The following PRKG1 variants were observed in gnomAD, a reference collection of about 807,000 sequenced individuals.
PRKG1 encodes the protein cGMP-dependent protein kinase 1.
A neutral mutation model predicts 88.1 loss-of-function variants in PRKG1; 35 were observed. The observed-to-expected ratio is 0.40, with a 90% confidence interval of 0.30 to 0.53. The LOEUF (loss-of-function observed/expected upper bound fraction) is 0.53. Ranked by LOEUF, PRKG1 falls within the 20% of genes least tolerant of loss-of-function variation. The probability of loss-of-function intolerance (pLI) is 0.59; values close to 1 mark genes in which losing one functional copy is unlikely to be tolerated. For synonymous variants in PRKG1, 303 were observed against 292.5 expected (o/e 1.04, Z -0.37); for missense variants, 540 against 839.8 (o/e 0.64, Z 4.41).
At chr10:52,076,755 T>G (rs897082168) in intron 7 of PRKG1, among the ~76,000 whole-genome samples, 4 of 152,216 alleles carry the variant, frequency 2.6e-5, no homozygotes, top group African/African-American at 9.6e-5. Flanking sequence ...AATAGCCTAA[T>G]TTTTTAAAAC....
At chr10:51,625,214 A>AT (rs902232732) in intron 3 of PRKG1, among the ~76,000 whole-genome samples, 2 of 152,218 alleles carry the variant, frequency 1.3e-5, no homozygotes, top group African/African-American at 2.4e-5. Context: ...ATGGTGGCTT[A>AT]TGCCTGTAAT....
chr10:51,456,863 T>C (rs73334474), intron 2 of PRKG1, among the ~76,000 whole-genome samples: 1 of 152,192 alleles, frequency 6.6e-6, no homozygotes, highest in African/African-American at 2.4e-5. Context: ...TATTAGGAAA[T>C]GCAAATGAAA....
At position 51,601,960 on chromosome 10, in the gene PRKG1, C is replaced by T. The variant is rs1303243740; in HGVS notation, c.592+134124C>T. Among the ~76,000 whole-genome samples the T allele has an allele frequency of 4.0e-5, 6 of 151,612 alleles. No homozygotes were observed. In the South Asian group the frequency reaches 8.3e-4, roughly 21 times the overall value. On this transcript the variant is annotated intron_variant, in intron 3 of 17. Coordinates refer to ENST00000373980, the MANE Select transcript of PRKG1 (RefSeq NM_006258.4). Reference sequence around the variant, plus strand: ...ATATTACAAAAAATTTTAACCAGCTCCCATCATTTGTCACAGATTTTTTTA... The same window carrying T: ...ATATTACAAAAAATTTTAACCAGCTTCCATCATTTGTCACAGATTTTTTTA...
At chr10:51,015,864 G>A (rs1843051413) in intron 1 of PRKG1, among the ~76,000 whole-genome samples, 1 of 152,200 alleles carries the variant, frequency 6.6e-6, no homozygotes, top group South Asian at 2.1e-4. Flanking sequence ...TTCAGCCTGG[G>A]TGACAAGAGT....
intron 3 of PRKG1, among the ~76,000 whole-genome samples, chr10:51,735,850 A>G (rs1837252742): frequency 1.0e-5 from 1 of 98,198 alleles, no homozygotes. Flanking sequence ...AGGGGGCCTG[A>G]CTGCATATAT....
chr10:51,224,348 C>T (rs1838632057), intron 2 of PRKG1, among the ~76,000 whole-genome samples: 1 of 152,200 alleles, frequency 6.6e-6, no homozygotes, highest in African/African-American at 2.4e-5. Context: ...TCCATGGTAG[C>T]ATGTTCCATC....
intron 3 of PRKG1, among the ~76,000 whole-genome samples, chr10:51,722,682 G>C (rs912878666): frequency 7.2e-5 from 11 of 151,982 alleles, no homozygotes; most frequent in Non-Finnish European, 1.5e-4. Context: ...TATTCTTACT[G>C]GAAAACCATA....
At chr10:52,150,561 G>A (rs1837885160) in intron 8 of PRKG1, among the ~76,000 whole-genome samples, 1 of 152,136 alleles carries the variant, frequency 6.6e-6, no homozygotes, top group Non-Finnish European at 1.5e-5. Context: ...ATAAAGGGAT[G>A]CATTCATTGG....
intron 1 of PRKG1, among the ~76,000 whole-genome samples, chr10:51,118,638 T>C (rs4935225): frequency 0.28 from 42,702 of 152,062 alleles, 7,462 homozygotes; most frequent in East Asian, 0.54. Flanking sequence ...GTTTTTCGAA[T>C]GAGTACTTCA....
chr10:51,074,321 C>A, upstream of PRKG1: 1 of 591,132 alleles, frequency 1.7e-6, no homozygotes, highest in Admixed American at 4.3e-5. Context: ...CACCGCGTCT[C>A]AGGTTTAATC....
At chr10:51,699,384 G>C in intron 3 of PRKG1, 1 of 1,614,002 alleles carries the variant, frequency 6.2e-7, no homozygotes, top group Non-Finnish European at 8.5e-7. Flanking sequence ...TAGCCCTTGG[G>C]TTTTCCCGTC....
intron 2 of PRKG1, among the ~76,000 whole-genome samples, chr10:51,383,027 C>A (rs963065969): frequency 2.6e-5 from 4 of 152,062 alleles, no homozygotes; most frequent in African/African-American, 9.7e-5. Context: ...TGTTCCTTGA[C>A]CAATTCACTA....
intron 4 of PRKG1, among the ~76,000 whole-genome samples, chr10:51,882,882 A>C (rs1841471833): frequency 6.6e-6 from 1 of 152,186 alleles, no homozygotes; most frequent in Admixed American, 6.5e-5. Flanking sequence ...CGTTGTTCTC[A>C]GTGTACTATC....
chr10:51,241,864 A>G (rs960784111), intron 2 of PRKG1, among the ~76,000 whole-genome samples: 1 of 152,094 alleles, frequency 6.6e-6, no homozygotes, highest in South Asian at 2.1e-4. Flanking sequence ...CAGTAGTCCA[A>G]AGCCAATTTC....
chr10:51,548,568 A>C (rs151106280), intron 3 of PRKG1, among the ~76,000 whole-genome samples: 35 of 152,236 alleles, frequency 2.3e-4, no homozygotes, highest in African/African-American at 8.2e-4. Context: ...TTCTTATTTT[A>C]TCCTCTTTTA....
At chr10:51,743,052 A>AAG (rs373318408) in intron 3 of PRKG1, among the ~76,000 whole-genome samples, 2,788 of 151,666 alleles carry the variant, frequency 0.018, 74 homozygotes, top group African/African-American at 0.064. Flanking sequence ...TAAAATTAAA[A>AAG]AGAGAGAGAG....
chr10:51,128,480 G>A (rs1845486344), intron 1 of PRKG1, among the ~76,000 whole-genome samples: 1 of 152,090 alleles, frequency 6.6e-6, no homozygotes, highest in Non-Finnish European at 1.5e-5. Flanking sequence ...CTGTGGCTTT[G>A]CTTTGAAAAA....
chr10:51,831,443 T>A (rs1215646747), intron 4 of PRKG1, among the ~76,000 whole-genome samples: 3 of 150,916 alleles, frequency 2.0e-5, no homozygotes, highest in Non-Finnish European at 4.4e-5. Flanking sequence ...GCCAAGAAAA[T>A]GTAAATGAGA....
At chr10:51,418,632 G>A (rs1838314619) in intron 2 of PRKG1, among the ~76,000 whole-genome samples, 2 of 152,148 alleles carry the variant, frequency 1.3e-5, no homozygotes, top group Non-Finnish European at 2.9e-5. Context: ...CTAATGCAAC[G>A]AATGAATGAG....
Sources: gnomAD v4.1 joint callset for allele counts (sites outside exome capture counted in the v4.1 genomes callset) on GRCh38, gnomAD v4.1.1 for gene constraint, MANE v1.5 for transcripts, NCBI Gene and HGNC (gene_info 2026-07-23, HGNC 2026-07-21) for gene names.